SLC15A1: variants seen among roughly 807,000 people sequenced by gnomAD.
SLC15A1 encodes Caco-2 oligopeptide transporter.
Under a neutral mutation model 92.9 loss-of-function variants are expected in SLC15A1, and 83 were observed. That is an observed-to-expected ratio of 0.89 (90% CI 0.75 to 1.07). The LOEUF is 1.07. Among genes scored for constraint, SLC15A1 ranks in the 50% least tolerant of loss-of-function variants. The probability of loss-of-function intolerance (pLI) is 0.00; values close to 1 mark genes in which losing one functional copy is unlikely to be tolerated. For missense variants in SLC15A1, 857 were observed against 880.1 expected (o/e 0.97, Z 0.33); for synonymous variants, 322 against 318.2 (o/e 1.01, Z -0.13).
chr13:98,726,788 C>A (rs1416202731), intron 2 of SLC15A1, 55 bp downstream of exon 2: 1 of 1,557,510 alleles, frequency 6.4e-7, no homozygotes, highest in African/African-American at 1.4e-5. Context: ...AGGGGTAAAA[C>A]AGATGATAAA....
In SLC15A1 at chr13:98,712,159, G is replaced by A. The variant is rs548110564; in HGVS notation, c.811-216C>T. Among the ~76,000 whole-genome samples the A allele has an allele frequency of 5.3e-5, 8 of 152,228 alleles. No homozygotes were observed. The South Asian group carries it at 1.0e-3, about 20-fold the overall frequency. ...ATGAGTGAAAACATCTATTTAGGAG[G>A]TAAATTACGTGAATTTACTAAATGT... On this transcript the variant is annotated intron_variant, in intron 10 of 22. Coordinates refer to ENST00000376503, the MANE Select transcript of SLC15A1 (RefSeq NM_005073.4).
rs373813286 is a variant in SLC15A1 at position 98,689,400 on chromosome 13, C to T, written c.1467-823G>A. ...GGAGCCTCAGGTGGGGAAGGGCACCCGGGACTGGAGAGGAAGAAGTGGGCC... is the reference window on the plus strand; with the variant it reads ...GGAGCCTCAGGTGGGGAAGGGCACCTGGGACTGGAGAGGAAGAAGTGGGCC... On this transcript the variant is annotated intron_variant, in intron 18 of 22. Coordinates refer to ENST00000376503, the MANE Select transcript of SLC15A1 (RefSeq NM_005073.4). 2.6e-5 allele frequency among the ~76,000 whole-genome samples: 4 copies of T among 152,130 alleles called. No individual in the cohort carries two copies. The East Asian group carries it at 5.8e-4, about 22-fold the overall frequency.
intron 22 of SLC15A1, 84 bp downstream of exon 22, chr13:98,686,106 C>A: frequency 2.0e-6 from 2 of 978,544 alleles, no homozygotes; most frequent in South Asian, 1.4e-5. Context: ...CCACACAGAG[C>A]ACACAGATGG....
chr13:98,721,377 G>T, intron 7 of SLC15A1, 118 bp downstream of exon 7: 1 of 757,606 alleles, frequency 1.3e-6, no homozygotes, highest in Non-Finnish European at 2.4e-6. Flanking sequence ...GTGCATCCCA[G>T]CATGTAGCTG....
At chr13:98,728,990 A>AC (rs1409989766) in intron 1 of SLC15A1, among the ~76,000 whole-genome samples, 3 of 146,378 alleles carry the variant, frequency 2.0e-5, no homozygotes, top group South Asian at 2.2e-4. Flanking sequence ...AAAAAAAAAA[A>AC]AAAAAAAAAA....
intron 4 of SLC15A1, among the ~76,000 whole-genome samples, chr13:98,724,722 C>G (rs912784200): frequency 2.6e-5 from 4 of 152,192 alleles, no homozygotes; most frequent in African/African-American, 9.6e-5. Context: ...ATCCACCTGC[C>G]TTGGCCTCCC....
intron 15 of SLC15A1, among the ~76,000 whole-genome samples, chr13:98,708,198 C>T (rs79619663): frequency 0.054 from 8,167 of 152,154 alleles, 283 homozygotes; most frequent in Middle Eastern, 0.095. Flanking sequence ...CACCACATAA[C>T]CCTGTTTCTA....
At chr13:98,712,204 A>G (rs112711409) in intron 10 of SLC15A1, among the ~76,000 whole-genome samples, 3,065 of 152,326 alleles carry the variant, frequency 0.02, 48 homozygotes, top group Middle Eastern at 0.054. Context: ...CACCGCCGTC[A>G]CCACCTCTTG....
Position 98,688,328 on chromosome 13 carries a change from T to C in SLC15A1, c.1603A>G (p.Ile535Val). ...IKGFTISSTE[I>V]PPQCQPNFNT... ...AAATTAGGTTGACATTGTGGCGGAA[T>C]CTCTGTTGAGCTTATTGTGAAGCCT... The change falls in exon 20 of 23, where the codon ATT (isoleucine) becomes GTT (valine). Residue 535 changes from isoleucine (I) to valine (V), a missense_variant. Ile to Val is a conservative substitution (Grantham distance 29). Transcript: ENST00000376503. The C allele has an allele frequency of 6.2e-7, 1 of 1,614,052 alleles. No homozygotes were observed. The highest frequency in any genetic ancestry group is 8.5e-7 in the Non-Finnish European group (1 of 1,179,968).
chr13:98,748,868 C>T (rs1054523735), intron 1 of SLC15A1, among the ~76,000 whole-genome samples: 1 of 152,186 alleles, frequency 6.6e-6, no homozygotes, highest in African/African-American at 2.4e-5. Flanking sequence ...GGTCAAATGT[C>T]AGTGCATGAG....
At chr13:98,704,204 G>C (rs567170506) in intron 17 of SLC15A1, 85 bp downstream of exon 17, 2 of 1,305,612 alleles carry the variant, frequency 1.5e-6, no homozygotes, top group African/African-American at 3.0e-5. Flanking sequence ...CACTATATGG[G>C]AGTAAAACAA....
At chr13:98,750,900 C>G (rs937076087) in intron 1 of SLC15A1, among the ~76,000 whole-genome samples, 2 of 151,960 alleles carry the variant, frequency 1.3e-5, no homozygotes, top group Admixed American at 6.6e-5. Context: ...TACAGGCACC[C>G]GCCACTATGC....
Position 98,726,380 on chromosome 13 carries a change from A to G in SLC15A1, c.91T>C (p.Tyr31His), listed in dbSNP as rs2088300822. ...CCAATACAGTTACCTCGCATTCCATAGTAGGAAAATCTTTCGCAAAACTCA... is the reference window on the plus strand; with the variant it reads ...CCAATACAGTTACCTCGCATTCCATGGTAGGAAAATCTTTCGCAAAACTCA... ...VNEFCERFSYYGMRAILILYF... is the reference protein window; with the variant it reads ...VNEFCERFSYHGMRAILILYF... The change falls in exon 3 of 23, where the codon TAT becomes CAT. Residue 31 changes from tyrosine to histidine, a missense_variant. Coordinates refer to ENST00000376503, the MANE Select transcript of SLC15A1 (RefSeq NM_005073.4). 6 of 1,614,102 alleles carry G rather than the reference A, an allele frequency of 3.7e-6. No individual in the cohort carries two copies. The highest frequency in any genetic ancestry group is 3.3e-5 in the South Asian group (3 of 91,086).
At chr13:98,711,150 A>T (rs1216958843) in intron 11 of SLC15A1, among the ~76,000 whole-genome samples, 2 of 152,202 alleles carry the variant, frequency 1.3e-5, no homozygotes, top group African/African-American at 4.8e-5. Context: ...TCCCTGCTCA[A>T]ACCACATGTG....
chr13:98,690,388 A>G (rs1404116979), intron 18 of SLC15A1, among the ~76,000 whole-genome samples: 2 of 152,194 alleles, frequency 1.3e-5, no homozygotes, highest in East Asian at 3.8e-4. Context: ...GGCCTTAGCT[A>G]GAATTCCCAC....
chr13:98,750,792 C>T (rs1319113043), intron 1 of SLC15A1, among the ~76,000 whole-genome samples: 3 of 150,300 alleles, frequency 2.0e-5, no homozygotes, highest in South Asian at 2.1e-4. Context: ...TACTCTGTCG[C>T]GGAGGCTGGA....
intron 18 of SLC15A1, among the ~76,000 whole-genome samples, chr13:98,690,636 G>C (rs1391156885): frequency 1.3e-5 from 2 of 152,266 alleles, no homozygotes; most frequent in South Asian, 4.1e-4. Flanking sequence ...GTAACTTAAT[G>C]ATGGGGATGG....
intron 16 of SLC15A1, among the ~76,000 whole-genome samples, chr13:98,704,837 T>C (rs2088098830): frequency 6.6e-6 from 1 of 152,200 alleles, no homozygotes. Flanking sequence ...ATTATTAGTT[T>C]CACAAGGTCT....
At chr13:98,749,687 C>T (rs1351831607) in intron 1 of SLC15A1, among the ~76,000 whole-genome samples, 1 of 152,208 alleles carries the variant, frequency 6.6e-6, no homozygotes, top group African/African-American at 2.4e-5. Context: ...ACCCCAGGCT[C>T]TGAGAACCAC....
Sources: allele counts gnomAD v4.1 joint callset (sites outside exome capture counted in the v4.1 genomes callset), GRCh38; gene constraint gnomAD v4.1.1; transcripts MANE v1.5; gene names NCBI Gene and HGNC (gene_info 2026-07-23, HGNC 2026-07-21).